Variants in TST observed in about 807,000 individuals in gnomAD.
TST encodes the protein epididymis secretory sperm binding protein.
Under a neutral mutation model 20.4 loss-of-function variants are expected in TST, and 22 were observed. That is an observed-to-expected ratio of 1.08 (90% CI 0.77 to 1.54). The LOEUF is 1.54. Ranked by LOEUF, TST falls within the 40% of genes most tolerant of loss-of-function variation. The pLI, the probability that TST is intolerant of heterozygous loss-of-function variation, is 0.00. For missense variants in TST, 392 were observed against 405.2 expected (o/e 0.97, Z 0.28); for synonymous variants, 187 against 173.8 (o/e 1.08, Z -0.60).
upstream of TST, chr22:37,019,821 C>T (rs962031679): frequency 1.7e-6 from 2 of 1,190,964 alleles, no homozygotes; most frequent in Non-Finnish European, 2.1e-6. Flanking sequence ...GGAGGGGGCG[C>T]CGCGCCGCGG....
Position 37,010,925 on chromosome 22 carries a change from TC to T in TST, c.*101del. The T allele has an allele frequency of 6.7e-7, 1 of 1,481,844 alleles. No individual in the cohort carries two copies. Among genetic ancestry groups the T allele is most frequent in the Non-Finnish European group, 9.1e-7 (1 of 1,099,580 alleles). The allele number at this position is 1,481,844 out of a possible 1,614,324, so 91.8% of individuals were successfully genotyped here. ...GAGAGGGTGAGCCTTGCACAGCAAT[TC>T]TAAAAACATGTCATCTCCTTCACCT... On this transcript the variant is annotated 3_prime_UTR_variant, in exon 3 of 3. Coordinates refer to ENST00000249042, the MANE Select transcript of TST (RefSeq NM_003312.6).
At position 37,018,700 on chromosome 22, in the gene TST, G is replaced by T; in HGVS notation, c.33C>A (p.Val11=). The T allele has an allele frequency of 6.6e-7, 1 of 1,524,250 alleles. No homozygotes were observed. Among genetic ancestry groups the T allele is most frequent in the Admixed American group, 2.1e-5 (1 of 46,934 alleles). 94.4% of individuals were successfully genotyped at this position (1,524,250 alleles called of 1,614,324 possible). A position where few individuals can be genotyped will look rare whatever the true frequency, so the allele number is the denominator to read the frequency against. Residue 11 remains valine, a synonymous_variant, in exon 2 of 3, where the codon GTC becomes GTA. Coordinates refer to ENST00000249042, the MANE Select transcript of TST (RefSeq NM_003312.6). MVHQVLYRAL[V]STKWLAESIR... is the part of the protein sequence containing the mutation. Reference sequence around the variant, plus strand: ...TGGACTCCGCCAGCCACTTGGTGGAGACCAGCGCCCGGTAGAGCACCTGAT... The same window carrying T: ...TGGACTCCGCCAGCCACTTGGTGGATACCAGCGCCCGGTAGAGCACCTGAT...
At chr22:37,018,057 G>C in intron 2 of TST, 81 bp downstream of exon 2, 1 of 1,108,196 alleles carries the variant, frequency 9.0e-7, no homozygotes, top group Non-Finnish European at 1.3e-6. Context: ...ACGGACCCTG[G>C]AGAGGGTCCC....
At position 37,011,162 on chromosome 22, in the gene TST, G is replaced by A. The variant is rs1453015540; in HGVS notation, c.759C>T (p.Thr253=). ...PLIATCRKGV[T]ACHVALAAYL... The stretch of plus-strand genomic sequence containing the variant: ...AGGCAGCCAAGGCCACGTGGCAGGC[G>A]GTGACTCCCTTGCGGCACGTGGCAA... Residue 253 remains threonine, a synonymous_variant, in exon 3 of 3, where the codon ACC becomes ACT. Transcript: ENST00000249042. 4.3e-6 allele frequency: 7 copies of A among 1,613,634 alleles called. No homozygotes were observed. The highest frequency in any genetic ancestry group is 2.2e-5 in the South Asian group (2 of 91,086).
At chr22:37,019,842 G>T, upstream of TST, 2 of 1,218,176 alleles carry the variant, frequency 1.6e-6, 1 homozygote, top group Non-Finnish European at 2.1e-6. Context: ...GGGCCATGGC[G>T]GAGCCAGGAA....
chr22:37,018,477 C>T lies in TST; in HGVS notation c.256G>A (p.Gly86Ser). Residue 86 changes from glycine (G) to serine (S), a missense_variant, in exon 2 of 3, where the codon GGC (glycine) becomes AGC (serine). Gly to Ser is a moderately conservative substitution (Grantham distance 56, BLOSUM62 0). Transcript: ENST00000249042. ...GTGTGGTTGCTGATGCCCAGGCGGC[C>T]CACATACTCGGCGAAGCCAGCCTCG... is the stretch of plus-strand genomic sequence containing the variant. ...PSEAGFAEYV[G>S]RLGISNHTHV... 1 of 1,611,312 alleles carries T rather than the reference C, an allele frequency of 6.2e-7. No homozygotes were observed. Among genetic ancestry groups the T allele is most frequent in the East Asian group, 2.2e-5 (1 of 44,844 alleles).
chr22:37,014,349 G>A (rs1050541838), intron 2 of TST, among the ~76,000 whole-genome samples: 2 of 152,196 alleles, frequency 1.3e-5, no homozygotes, highest in African/African-American at 4.8e-5. Context: ...CAGCCTGGGT[G>A]ACAGAGCGAG....
chr22:37,011,339 A>G lies in TST; in HGVS notation c.596-14T>C, dbSNP rs1237344984. On this transcript the variant is annotated splice_polypyrimidine_tract_variant and intron_variant, in intron 2 of 2. Coordinates refer to ENST00000249042, the MANE Select transcript of TST (RefSeq NM_003312.6). ...CCGAGTCCAGTCCTGGGCAGGGCAGAGGACACAGCTTAGGGGATGTATGAG... is the reference window on the plus strand; with the variant it reads ...CCGAGTCCAGTCCTGGGCAGGGCAGGGGACACAGCTTAGGGGATGTATGAG... 6 of 1,605,060 alleles carry G rather than the reference A, an allele frequency of 3.7e-6. No homozygotes were observed. Among genetic ancestry groups the G allele is most frequent in the Admixed American group, 1.7e-5 (1 of 59,830 alleles).
Position 37,018,293 on chromosome 22 carries a change from C to A in TST, c.440G>T (p.Arg147Leu), listed in dbSNP as rs756991139. 1.2e-6 allele frequency: 2 copies of A among 1,614,046 alleles called. No individual in the cohort carries two copies. The highest frequency in any genetic ancestry group is 1.7e-6 in the Non-Finnish European group (2 of 1,180,022). ...EGHPVTSEPS[R>L]PEPAVFKATL... is the part of the protein sequence containing the mutation. ...GGCTTTGAAGACGGCCGGTTCTGGG[C>A]GTGAGGGCTCGGATGTCACCGGGTG... The change falls in exon 2 of 3, where the codon CGC becomes CTC. Residue 147 changes from arginine (R) to leucine (L), a missense_variant. Arg to Leu is a moderately radical substitution (Grantham distance 102). Coordinates refer to ENST00000249042, the MANE Select transcript of TST (RefSeq NM_003312.6).
In TST at chr22:37,018,333, A is replaced by T; in HGVS notation, c.400T>A (p.Trp134Arg). 6.2e-7 allele frequency: 1 copy of T among 1,613,966 alleles called. No homozygotes were observed. Among genetic ancestry groups the T allele is most frequent in the East Asian group, 2.2e-5 (1 of 44,878 alleles). ...VSVLNGGFRN[W>R]LKEGHPVTSE... ...GTCACCGGGTGGCCCTCCTTCAGCC[A>T]GTTCCGGAAGCCACCATTGAGCACT... Residue 134 changes from tryptophan (W) to arginine (R), a missense_variant, in exon 2 of 3, where the codon TGG becomes AGG. Coordinates refer to ENST00000249042, the MANE Select transcript of TST (RefSeq NM_003312.6).
Position 37,018,634 on chromosome 22 carries a change from G to A in TST, c.99C>T (p.Asp33=), listed in dbSNP as rs1329214451. ...GKLGPGLRVL[D]ASWYSPGTRE... is the part of the protein sequence containing the mutation. ...GGGTGCCTGGTGAGTACCAGGACGCGTCCAGCACCCGCAGGCCGGGCCCCA... is the reference window on the plus strand; with the variant it reads ...GGGTGCCTGGTGAGTACCAGGACGCATCCAGCACCCGCAGGCCGGGCCCCA... Residue 33 remains aspartate, a synonymous_variant, in exon 2 of 3, where the codon GAC becomes GAT. Transcript: ENST00000249042. 1.3e-6 allele frequency: 2 copies of A among 1,571,448 alleles called. No individual in the cohort carries two copies. The highest frequency in any genetic ancestry group is 2.7e-5 in the African/African-American group (2 of 74,122).
Position 37,018,176 on chromosome 22 carries a change from C to A in TST, c.557G>T (p.Gly186Val), listed in dbSNP as rs138956044. Reference protein sequence around the residue: ...RFQLVDSRSQGRFLGTEPEPD... With the variant: ...RFQLVDSRSQVRFLGTEPEPD... ...CTCCGGCTCGGTGCCCAGGAACCGC[C>A]CTTGAGACCTTGAATCCACCAGCTG... Residue 186 changes from glycine to valine, a missense_variant, in exon 2 of 3, where the codon GGG becomes GTG. Gly to Val is a moderately radical substitution (Grantham distance 109). Transcript: ENST00000249042. 1.8e-5 allele frequency: 29 copies of A among 1,595,948 alleles called. No homozygotes were observed. The highest frequency in any genetic ancestry group is 1.5e-5 in the Non-Finnish European group (17 of 1,169,256).
chr22:37,020,131 G>C (rs972823278), upstream of TST: 15 of 384,130 alleles, frequency 3.9e-5, no homozygotes, highest in Non-Finnish European at 6.0e-5. Context: ...GGGGGAGAGA[G>C]AGGAGGACAG....
rs1174816737 is a variant in TST at position 37,018,486 on chromosome 22, C to T, written c.247G>A (p.Glu83Lys). The change falls in exon 2 of 3, where the codon GAG becomes AAG. Residue 83 changes from glutamate to lysine, a missense_variant. Physicochemically the swap from Glu to Lys is moderately conservative, Grantham distance 56. Coordinates refer to ENST00000249042, the MANE Select transcript of TST (RefSeq NM_003312.6). ...MMLPSEAGFAEYVGRLGISNH... is the reference protein window; with the variant it reads ...MMLPSEAGFAKYVGRLGISNH... ...CTGATGCCCAGGCGGCCCACATACT[C>T]GGCGAAGCCAGCCTCGCTGGGCAGC... 1.2e-6 allele frequency: 2 copies of T among 1,609,274 alleles called. No homozygotes were observed. Among genetic ancestry groups the T allele is most frequent in the Non-Finnish European group, 1.7e-6 (2 of 1,177,704 alleles).
chr22:37,011,019 G>A lies in TST; in HGVS notation c.*8C>T, dbSNP rs766270286. 2 of 1,603,642 alleles carry A rather than the reference G, an allele frequency of 1.2e-6. No homozygotes were observed. Among genetic ancestry groups the A allele is most frequent in the Non-Finnish European group, 1.7e-6 (2 of 1,174,316 alleles). On this transcript the variant is annotated 3_prime_UTR_variant, in exon 3 of 3. Coordinates refer to ENST00000249042, the MANE Select transcript of TST (RefSeq NM_003312.6). ...GCCGCAGTTACAGTAAGCAGAAGAG[G>A]TCACGGCTCAGGCCTTCTCAGACTT...
chr22:37,012,317 T>G (rs1416417619), intron 2 of TST, among the ~76,000 whole-genome samples: 1 of 152,178 alleles, frequency 6.6e-6, no homozygotes, highest in African/African-American at 2.4e-5. Flanking sequence ...ACTGTCTCAG[T>G]ACCCAGTGAG....
upstream of TST, chr22:37,020,124 GGAGA>G: frequency 2.6e-6 from 1 of 385,240 alleles, no homozygotes; most frequent in South Asian, 1.4e-4. Context: ...AGAGGGCGGG[GGAGA>G]GAGAGGAGGA....
chr22:37,018,173 C>G lies in TST; in HGVS notation c.560G>C (p.Arg187Pro). The G allele has an allele frequency of 6.3e-7, 1 of 1,580,192 alleles. No homozygotes were observed. The highest frequency in any genetic ancestry group is 1.4e-5 in the African/African-American group (1 of 74,072). Residue 187 changes from arginine to proline, a missense_variant, in exon 2 of 3, where the codon CGG (arginine) becomes CCG (proline). Arg to Pro is a moderately radical substitution (Grantham distance 103). Transcript: ENST00000249042. ...CGGCTCCGGCTCGGTGCCCAGGAAC[C>G]GCCCTTGAGACCTTGAATCCACCAG... ...FQLVDSRSQGRFLGTEPEPDA... is the reference protein window; with the variant it reads ...FQLVDSRSQGPFLGTEPEPDA...
intron 2 of TST, among the ~76,000 whole-genome samples, chr22:37,014,756 G>A (rs1569161737): frequency 6.6e-6 from 1 of 152,190 alleles, no homozygotes; most frequent in Non-Finnish European, 1.5e-5. Context: ...GGGAATGGAT[G>A]AGATGACCTC....
Sources: allele counts gnomAD v4.1 joint callset (sites outside exome capture counted in the v4.1 genomes callset), GRCh38; gene constraint gnomAD v4.1.1; transcripts MANE v1.5; gene names NCBI Gene and HGNC (gene_info 2026-07-23, HGNC 2026-07-21).